RET: variants seen among roughly 807,000 people sequenced by gnomAD.
The protein encoded by RET is proto-oncogene tyrosine-protein kinase receptor Ret.
Under a neutral mutation model 118.3 loss-of-function variants are expected in RET, and 19 were observed. That is an observed-to-expected ratio of 0.16 (90% confidence interval 0.11 to 0.24). The LOEUF (loss-of-function observed/expected upper bound fraction) is 0.24, where lower values mean the gene tolerates loss of function less well. RET is among the 10% of genes least tolerant of loss of function. RET has a pLI of 1.00. For synonymous variants in RET, 597 were observed against 644.1 expected (o/e 0.93, Z 1.11); for missense variants, 1,219 against 1,502.1 (o/e 0.81, Z 3.12).
At chr10:43,100,749 C>T (rs2132666321) in intron 2 of RET, 27 bp downstream of exon 2, 1 of 1,556,702 alleles carries the variant, frequency 6.4e-7, no homozygotes. Context: ...AACACCCACC[C>T]CGTGCCCCAC....
At position 43,106,229 on chromosome 10, in the gene RET, C is replaced by A; in HGVS notation, c.868-147C>A. The A allele has an allele frequency of 1.2e-6, 1 of 841,686 alleles. No homozygotes were observed. Among genetic ancestry groups the A allele is most frequent in the Non-Finnish European group, 1.9e-6 (1 of 517,868 alleles). The allele number at this position is 841,686 out of a possible 1,614,324, so 52.1% of individuals were successfully genotyped here. On this transcript the variant is annotated intron_variant, in intron 4 of 19. Transcript: ENST00000355710. The surrounding 1 kb of genome is among the most constrained non-coding windows in gnomAD (Gnocchi z 5.1). The stretch of plus-strand genomic sequence containing the variant: ...ACCCCGTGGGAACTTGAACCCAGGT[C>A]AGACTGTCCCCAGACCTGGCTCTGA...
chr10:43,090,944 G>A (rs1473765150), intron 1 of RET, among the ~76,000 whole-genome samples: 1 of 151,478 alleles, frequency 6.6e-6, no homozygotes, highest in Non-Finnish European at 1.5e-5. Context: ...GACAGCAGCT[G>A]AAGTGGGAAC....
chr10:43,098,290 G>A (rs566524070), intron 1 of RET, among the ~76,000 whole-genome samples: 1 of 152,242 alleles, frequency 6.6e-6, no homozygotes, highest in Admixed American at 6.5e-5. Flanking sequence ...TTGTGTCTGT[G>A]AATTTGACTA....
intron 1 of RET, 41 bp downstream of exon 1, chr10:43,077,372 G>A (rs1311885437): frequency 6.7e-7 from 1 of 1,494,974 alleles, no homozygotes; most frequent in East Asian, 2.7e-5. Flanking sequence ...GGGCCAGGGC[G>A]AAGTTGGCGC....
In RET at chr10:43,114,471, C is replaced by T. The variant is rs1160839983; in HGVS notation, c.1880-9C>T. 2 of 1,605,676 alleles carry T rather than the reference C, an allele frequency of 1.2e-6. No individual in the cohort carries two copies. Among genetic ancestry groups the T allele is most frequent in the Non-Finnish European group, 1.7e-6 (2 of 1,179,964 alleles). ...GCGGTGCCAAGCCTCACACCACCCCCACCCACAGATCCACTGTGCGACGAG... is the reference window on the plus strand; with the variant it reads ...GCGGTGCCAAGCCTCACACCACCCCTACCCACAGATCCACTGTGCGACGAG... On this transcript the variant is annotated splice_polypyrimidine_tract_variant and intron_variant, in intron 10 of 19. Coordinates refer to ENST00000355710, the MANE Select transcript of RET (RefSeq NM_020975.6). The surrounding 1 kb of genome is among the most constrained non-coding windows in gnomAD (Gnocchi z 4.6).
At chr10:43,088,496 G>C (rs927237988) in intron 1 of RET, among the ~76,000 whole-genome samples, 7 of 152,048 alleles carry the variant, frequency 4.6e-5, no homozygotes, top group African/African-American at 7.3e-5. Context: ...CAGTGGCGGG[G>C]AAGGTGGAGG....
intron 1 of RET, among the ~76,000 whole-genome samples, chr10:43,082,280 C>T (rs960873329): frequency 1.3e-5 from 2 of 152,190 alleles, no homozygotes; most frequent in African/African-American, 4.8e-5. Flanking sequence ...ACCTTAAGGA[C>T]AGCAGTTCAG....
At position 43,124,863 on chromosome 10, in the gene RET, C is replaced by T. The variant is rs1270677819; in HGVS notation, c.2940-20C>T. ...CTGGCCCTGCTTGGATCATATTGGC[C>T]TGTCTGCTCTTCCCACCAGGTACCG... On this transcript the variant is annotated intron_variant, in intron 17 of 19. Coordinates refer to ENST00000355710, the MANE Select transcript of RET (RefSeq NM_020975.6). The T allele has an allele frequency of 6.2e-7, 1 of 1,612,308 alleles. No individual in the cohort carries two copies. Among genetic ancestry groups the T allele is most frequent in the African/African-American group, 1.3e-5 (1 of 74,910 alleles).
chr10:43,109,313 C>T (rs1837863353), intron 6 of RET, 83 bp downstream of exon 6: 1 of 1,363,882 alleles, frequency 7.3e-7, no homozygotes, highest in East Asian at 2.4e-5. Flanking sequence ...GACACTGCCT[C>T]TTGGCCCAAC....
At chr10:43,123,048 G>A (rs969223188) in intron 16 of RET, among the ~76,000 whole-genome samples, 2 of 152,182 alleles carry the variant, frequency 1.3e-5, no homozygotes, top group East Asian at 1.9e-4. Context: ...GGACCACACC[G>A]CCCAGTGACC....
At chr10:43,084,359 G>A (rs556497107) in intron 1 of RET, among the ~76,000 whole-genome samples, 97 of 152,344 alleles carry the variant, frequency 6.4e-4, no homozygotes, top group African/African-American at 2.1e-3. Context: ...TCACCACCAC[G>A]CATTATTCTC....
intron 1 of RET, among the ~76,000 whole-genome samples, chr10:43,082,115 A>G (rs944268601): frequency 7.9e-5 from 12 of 152,150 alleles, no homozygotes; most frequent in Non-Finnish European, 7.4e-5. Context: ...CCTAGAGGCC[A>G]TGAAGCCTGT....
intron 16 of RET, among the ~76,000 whole-genome samples, chr10:43,123,128 C>T (rs996559859): frequency 1.3e-5 from 2 of 152,136 alleles, no homozygotes; most frequent in East Asian, 1.9e-4. Flanking sequence ...TGGGCTCATG[C>T]GATGCTGTTT....
rs189408840 is a variant in RET, at chr10:43,102,813, A to G, written c.625+184A>G. On this transcript the variant is annotated intron_variant, in intron 3 of 19. Transcript: ENST00000355710. ...TACTGTTCTAGGAGCTAAGGATATA[A>G]CAATGAACACAACGGGTTGGAATCT... 11 of 697,148 alleles carry G rather than the reference A, an allele frequency of 1.6e-5. No individual in the cohort carries two copies. In the East Asian group the frequency reaches 3.0e-4, roughly 19 times the overall value. 43.2% of individuals were successfully genotyped at this position (697,148 alleles called of 1,614,324 possible). A position where few individuals can be genotyped will look rare whatever the true frequency, so the allele number is the denominator to read the frequency against.
chr10:43,128,550 C>T lies in RET; in HGVS notation c.*281C>T. 1.9e-6 allele frequency: 1 copy of T among 522,684 alleles called. No homozygotes were observed. The highest frequency in any genetic ancestry group is 2.0e-5 in the South Asian group (1 of 49,568). 32.4% of individuals were successfully genotyped at this position (522,684 alleles called of 1,614,324 possible). On this transcript the variant is annotated 3_prime_UTR_variant, in exon 20 of 20. Coordinates refer to ENST00000355710, the MANE Select transcript of RET (RefSeq NM_020975.6). ...GTGCCCAGCAGCACCCAGTGTTGGTCTGTGTCCATCAGTGACCACCAACAT... is the reference window on the plus strand; with the variant it reads ...GTGCCCAGCAGCACCCAGTGTTGGTTTGTGTCCATCAGTGACCACCAACAT...
rs1588871110 is a variant in RET at position 43,111,257 on chromosome 10, C to G, written c.1314C>G (p.Val438=). Reference sequence around the variant, plus strand: ...GCCAGGCATTCAGTGGCATCAACGTCCAGTACAAGCTGCATTCCTCTGGTG... The same window carrying G: ...GCCAGGCATTCAGTGGCATCAACGTGCAGTACAAGCTGCATTCCTCTGGTG... ...ENCQAFSGIN[V]QYKLHSSGAN... The change falls in exon 7 of 20, where the codon GTC becomes GTG. Residue 438 remains valine (V), a synonymous_variant. Coordinates refer to ENST00000355710, the MANE Select transcript of RET (RefSeq NM_020975.6). 1 of 1,614,168 alleles carries G rather than the reference C, an allele frequency of 6.2e-7. No homozygotes were observed.
chr10:43,096,466 A>G (rs1225299121), intron 1 of RET, among the ~76,000 whole-genome samples: 1 of 151,752 alleles, frequency 6.6e-6, no homozygotes, highest in Admixed American at 6.6e-5. Flanking sequence ...CTGTTCTTAT[A>G]TGTGAAATGG....
intron 13 of RET, among the ~76,000 whole-genome samples, chr10:43,119,043 G>A (rs1391848640): frequency 1.3e-5 from 2 of 152,224 alleles, no homozygotes; most frequent in Non-Finnish European, 2.9e-5. Context: ...CACCGGGAGT[G>A]CGCAGCAGGC....
rs948303275 is a variant in RET, at chr10:43,106,491, C to T, written c.983C>T (p.Thr328Ile). The T allele has an allele frequency of 6.2e-7, 1 of 1,613,694 alleles. No individual in the cohort carries two copies. The highest frequency in any genetic ancestry group is 8.5e-7 in the Non-Finnish European group (1 of 1,179,896). The change falls in exon 5 of 20, where the codon ACC becomes ATC. Residue 328 changes from threonine to isoleucine, a missense_variant. Thr to Ile is a moderately conservative substitution (Grantham distance 89). Around this residue, in one of 5 missense-constraint regions of RET, gnomAD observed 850 missense variants for 969.6 expected, o/e 0.88. Transcript: ENST00000355710. The surrounding 1 kb of genome is among the most constrained non-coding windows in gnomAD (Gnocchi z 5.1). Reference sequence around the variant, plus strand: ...CCCGGGGACACCTGGGCCCAGCAGACCTTCCGGGTGGAACACTGGCCCAAC... The same window carrying T: ...CCCGGGGACACCTGGGCCCAGCAGATCTTCCGGGTGGAACACTGGCCCAAC... ...LLPGDTWAQQ[T>I]FRVEHWPNET...
Sources: allele counts gnomAD v4.1 joint callset (sites outside exome capture counted in the v4.1 genomes callset), GRCh38; gene constraint gnomAD v4.1.1; regional missense constraint gnomAD v4.1.1; non-coding constraint Gnocchi (gnomAD v3.1); transcripts MANE v1.5; gene names NCBI Gene and HGNC (gene_info 2026-07-23, HGNC 2026-07-21).